BNC2: variants seen among roughly 807,000 people sequenced by gnomAD.
BNC2 encodes the protein zinc finger protein basonuclin-2.
In BNC2, 20 loss-of-function variants were observed where a neutral mutation model predicts 76.3. That is an observed-to-expected ratio of 0.26 (90% CI 0.18 to 0.38). The LOEUF is 0.38. Among genes scored for constraint, BNC2 ranks in the 10% least tolerant of loss-of-function variants. The pLI, the probability that BNC2 is intolerant of heterozygous loss-of-function variation, is 1.00. For synonymous variants in BNC2, 582 were observed against 514.8 expected (o/e 1.13, Z -1.77); for missense variants, 1,382 against 1,399.8 (o/e 0.99, Z 0.20).
chr9:16,729,813 C>G (rs946751617), intron 2 of BNC2, among the ~76,000 whole-genome samples: 1 of 152,106 alleles, frequency 6.6e-6, no homozygotes, highest in Non-Finnish European at 1.5e-5. Context: ...TGAAGTGGCA[C>G]TCAGTGCCTC....
intron 3 of BNC2, among the ~76,000 whole-genome samples, chr9:16,686,522 T>G (rs1822983535): frequency 6.6e-6 from 1 of 152,206 alleles, no homozygotes; most frequent in South Asian, 2.1e-4. Context: ...TGTCTATATG[T>G]CTCTAAACTC....
At chr9:16,781,540 G>C (rs1205398890) in intron 1 of BNC2, among the ~76,000 whole-genome samples, 4 of 152,134 alleles carry the variant, frequency 2.6e-5, no homozygotes, top group Non-Finnish European at 5.9e-5. Context: ...ACGGGGTTTC[G>C]TTGTGTTGCC....
At chr9:16,615,345 G>C (rs1043578075) in intron 3 of BNC2, among the ~76,000 whole-genome samples, 2 of 152,084 alleles carry the variant, frequency 1.3e-5, no homozygotes, top group African/African-American at 4.8e-5. Context: ...ATGGCACCTT[G>C]ACATACTGAA....
At chr9:16,625,507 C>CG (rs368147730) in intron 3 of BNC2, among the ~76,000 whole-genome samples, 5 of 152,082 alleles carry the variant, frequency 3.3e-5, no homozygotes, top group African/African-American at 1.2e-4. Flanking sequence ...GAAAAGAGAA[C>CG]GGGGGAAATA....
Position 16,419,613 on chromosome 9 carries a change from C to G in BNC2, c.2676G>C (p.Leu892Phe). ...GGCCCATGTCATCGAGTTCTTTGGTCAACAGTTTACGATGTAGGTTTATGT... is the reference window on the plus strand; with the variant it reads ...GGCCCATGTCATCGAGTTCTTTGGTGAACAGTTTACGATGTAGGTTTATGT... Reference protein sequence around the residue: ...SANINLHRKLLTKELDDMGLD... With the variant: ...SANINLHRKLFTKELDDMGLD... The change falls in exon 7 of 7, where the codon TTG becomes TTC. Residue 892 changes from leucine (L) to phenylalanine (F), a missense_variant. By Grantham distance (22) the Leu-to-Phe change is conservative (BLOSUM62 0). Coordinates refer to ENST00000380672, the MANE Select transcript of BNC2 (RefSeq NM_017637.6). 1 of 1,600,878 alleles carries G rather than the reference C, an allele frequency of 6.2e-7. No individual in the cohort carries two copies. The highest frequency in any genetic ancestry group is 8.5e-7 in the Non-Finnish European group (1 of 1,178,588).
intron 3 of BNC2, among the ~76,000 whole-genome samples, chr9:16,663,101 T>G (rs956841770): frequency 6.7e-5 from 10 of 148,178 alleles, no homozygotes; most frequent in African/African-American, 2.5e-4. Context: ...TCAATTCCAG[T>G]GATCCATAGG....
At chr9:16,559,895 C>G (rs1818957538) in intron 4 of BNC2, among the ~76,000 whole-genome samples, 1 of 152,188 alleles carries the variant, frequency 6.6e-6, no homozygotes, top group Non-Finnish European at 1.5e-5. Flanking sequence ...CAAAAGCAGA[C>G]AGATGTAGGC....
intron 6 of BNC2, among the ~76,000 whole-genome samples, chr9:16,420,297 C>G (rs918412769): frequency 4.7e-4 from 71 of 152,202 alleles, no homozygotes; most frequent in Admixed American, 4.6e-3. Context: ...TTTAACAACA[C>G]GAATGCCTTT....
At chr9:16,538,901 G>C (rs1006562462) in intron 5 of BNC2, among the ~76,000 whole-genome samples, 1 of 152,128 alleles carries the variant, frequency 6.6e-6, no homozygotes, top group Non-Finnish European at 1.5e-5. Context: ...AATAATTATA[G>C]ATCATACTTA....
At chr9:16,559,062 CATCTT>C (rs1818929750) in intron 4 of BNC2, among the ~76,000 whole-genome samples, 2 of 152,036 alleles carry the variant, frequency 1.3e-5, no homozygotes, top group African/African-American at 4.8e-5. Context: ...AACAATTTCA[CATCTT>C]ATACGGATTT....
chr9:16,517,270 A>G (rs922910953), intron 5 of BNC2, among the ~76,000 whole-genome samples: 1 of 152,210 alleles, frequency 6.6e-6, no homozygotes, highest in African/African-American at 2.4e-5. Flanking sequence ...GCATATCCCT[A>G]TAAGGTAATT....
chr9:16,844,943 GC>G (rs1160670233), intron 1 of BNC2, among the ~76,000 whole-genome samples: 15 of 152,142 alleles, frequency 9.9e-5, no homozygotes, highest in Admixed American at 9.8e-4. Flanking sequence ...GCAGGAGGCA[GC>G]CCCCCAGTTG....
At chr9:16,482,786 C>G (rs116907689) in intron 5 of BNC2, among the ~76,000 whole-genome samples, 1 of 152,158 alleles carries the variant, frequency 6.6e-6, no homozygotes, top group African/African-American at 2.4e-5. Flanking sequence ...ACTTCAGACT[C>G]CAGGACTCTC....
intron 5 of BNC2, among the ~76,000 whole-genome samples, chr9:16,482,759 C>G (rs1822086412): frequency 6.6e-6 from 1 of 152,182 alleles, no homozygotes; most frequent in African/African-American, 2.4e-5. Context: ...GAGGAATCAA[C>G]CTCTGTATCA....
At chr9:16,477,215 C>T (rs943677791) in intron 5 of BNC2, among the ~76,000 whole-genome samples, 5 of 152,200 alleles carry the variant, frequency 3.3e-5, no homozygotes, top group Admixed American at 6.5e-5. Context: ...GCAATGGTCA[C>T]TCCACTGCCC....
chr9:16,563,208 G>C (rs967880349), intron 4 of BNC2, among the ~76,000 whole-genome samples: 1 of 151,836 alleles, frequency 6.6e-6, no homozygotes, highest in Non-Finnish European at 1.5e-5. Context: ...AAAGCATTTT[G>C]TTAAAAAAAA....
intron 3 of BNC2, among the ~76,000 whole-genome samples, chr9:16,722,517 G>A (rs1385122209): frequency 6.6e-6 from 1 of 152,100 alleles, no homozygotes; most frequent in Non-Finnish European, 1.5e-5. Context: ...ACCTTAGAGG[G>A]ATTTATTTTT....
At chr9:16,808,256 G>C (rs1348891890) in intron 1 of BNC2, among the ~76,000 whole-genome samples, 1 of 152,002 alleles carries the variant, frequency 6.6e-6, no homozygotes, top group Non-Finnish European at 1.5e-5. Flanking sequence ...ATTATCTTTT[G>C]TTAGGCTAAT....
At chr9:16,659,295 T>C (rs1822028259) in intron 3 of BNC2, among the ~76,000 whole-genome samples, 1 of 152,204 alleles carries the variant, frequency 6.6e-6, no homozygotes, top group Admixed American at 6.5e-5. Flanking sequence ...CCCTGTTCAC[T>C]GGCAACCACG....
Sources: allele counts gnomAD v4.1 joint callset (sites outside exome capture counted in the v4.1 genomes callset), GRCh38; gene constraint gnomAD v4.1.1; transcripts MANE v1.5; gene names NCBI Gene and HGNC (gene_info 2026-07-23, HGNC 2026-07-21).